The following ZNF83 variants were observed in gnomAD, a reference collection of about 807,000 sequenced individuals.
The protein encoded by ZNF83 is zinc finger protein 816B.
For synonymous variants in ZNF83, 209 were observed against 213.0 expected (o/e 0.98, Z 0.17); for missense variants, 552 against 629.9 (o/e 0.88, Z 1.32).
At chr19:52,685,897 CAAAAAAAAAAAAA>C (rs3055370) in intron 1 of ZNF83, among the ~76,000 whole-genome samples, 3 of 132,440 alleles carry the variant, frequency 2.3e-5, no homozygotes, top group Admixed American at 8.4e-5. Flanking sequence ...GTAACTGTCA[CAAAAAAAAAAAAA>C]AAAAAAAAAA....
intron 3 of ZNF83, chr19:52,650,894 G>T (rs2061433676): frequency 6.6e-6 from 1 of 152,140 alleles, no homozygotes; most frequent in Non-Finnish European, 1.5e-5. Flanking sequence ...GAGTGGTCAA[G>T]GGAGGGAAAT....
chr19:52,648,460 A>G (rs193039), intron 3 of ZNF83, among the ~76,000 whole-genome samples: 79,354 of 151,846 alleles, frequency 0.52, 21,259 homozygotes, highest in East Asian at 0.71. Flanking sequence ...GGAAAAAAAA[A>G]AGAGAGAGAG....
At chr19:52,614,505 G>A in exon 3 of ZNF83, 1 of 1,605,888 alleles carries the variant, frequency 6.2e-7, no homozygotes, top group Non-Finnish European at 8.5e-7. Flanking sequence ...GTGACTGCGG[G>A]TTTAATCCAA....
exon 3 of ZNF83, chr19:52,614,778 C>G (rs1171363220): frequency 7.8e-7 from 1 of 1,285,024 alleles, no homozygotes; most frequent in Non-Finnish European, 9.9e-7. Flanking sequence ...ATTCCTTGAT[C>G]TCACATTTAG....
chr19:52,657,423 A>C (rs758242611), intron 2 of ZNF83, among the ~76,000 whole-genome samples: 1 of 151,838 alleles, frequency 6.6e-6, no homozygotes. Flanking sequence ...CAGCCTCATC[A>C]ATATGGTGAA....
intron 1 of ZNF83, chr19:52,637,051 C>G (rs1046090005): frequency 1.3e-5 from 2 of 152,236 alleles, no homozygotes; most frequent in African/African-American, 4.8e-5. Flanking sequence ...TTTCTTTTTA[C>G]CTGGCATTCT....
chr19:52,683,228 CTGT>C (rs1480453448), intron 1 of ZNF83, among the ~76,000 whole-genome samples: 2 of 127,970 alleles, frequency 1.6e-5, no homozygotes, highest in African/African-American at 6.0e-5. Flanking sequence ...CCCTGTGACT[CTGT>C]GTGTGTGTGT....
intron 2 of ZNF83, among the ~76,000 whole-genome samples, chr19:52,621,928 C>G (rs1019322408): frequency 2.7e-5 from 4 of 147,728 alleles, no homozygotes; most frequent in African/African-American, 7.4e-5. Context: ...AGCTTCTGGT[C>G]CCAATGTGAC....
intron 2 of ZNF83, among the ~76,000 whole-genome samples, chr19:52,634,619 T>C (rs1280434858): frequency 6.6e-6 from 1 of 152,224 alleles, no homozygotes; most frequent in East Asian, 1.9e-4. Context: ...AAATATAGTA[T>C]AAAATCAGGG....
exon 3 of ZNF83, chr19:52,613,974 T>C (rs2060210609): frequency 1.2e-6 from 2 of 1,613,506 alleles, no homozygotes; most frequent in Non-Finnish European, 1.7e-6. Flanking sequence ...CGGTATGAAT[T>C]CTTTGATGTT....
intron 1 of ZNF83, among the ~76,000 whole-genome samples, chr19:52,675,595 G>A (rs536256267): frequency 6.6e-6 from 1 of 152,118 alleles, no homozygotes; most frequent in Non-Finnish European, 1.5e-5. Context: ...GTGTTGGAGG[G>A]GATGGGCTCA....
intron 2 of ZNF83, chr19:52,618,382 C>G (rs1046536366): frequency 6.5e-6 from 1 of 154,016 alleles, no homozygotes; most frequent in Non-Finnish European, 1.4e-5. Flanking sequence ...GCCTCAGCCT[C>G]CCAAGTAGCT....
chr19:52,640,569 G>A (rs181706271), upstream of ZNF83, among the ~76,000 whole-genome samples: 1 of 152,092 alleles, frequency 6.6e-6, no homozygotes, highest in Non-Finnish European at 1.5e-5. Flanking sequence ...TTGCTCTGTC[G>A]CCCAGTGGTG....
intron 1 of ZNF83, among the ~76,000 whole-genome samples, chr19:52,664,311 C>A (rs543786402): frequency 1.3e-5 from 2 of 151,786 alleles, no homozygotes; most frequent in African/African-American, 4.8e-5. Flanking sequence ...GCCTGGGCAA[C>A]ATGGAGAAAG....
chr19:52,650,128 G>GA (rs1251321663), intron 3 of ZNF83, among the ~76,000 whole-genome samples: 18 of 150,658 alleles, frequency 1.2e-4, no homozygotes, highest in Admixed American at 6.6e-4. Context: ...GGAGAAAGGA[G>GA]AAAAAAAAAT....
chr19:52,688,545 CTCTTG>C, intron 1 of ZNF83, among the ~76,000 whole-genome samples: 1 of 151,742 alleles, frequency 6.6e-6, no homozygotes. Flanking sequence ...CTCTCTCTAG[CTCTTG>C]TTTTATTTTC....
At chr19:52,667,491 A>C (rs1454795851) in intron 1 of ZNF83, among the ~76,000 whole-genome samples, 2 of 152,196 alleles carry the variant, frequency 1.3e-5, no homozygotes, top group African/African-American at 4.8e-5. Flanking sequence ...TTTATGTGCA[A>C]GTTGTGTAAG....
At chr19:52,670,165 C>T (rs1443229580) in intron 1 of ZNF83, among the ~76,000 whole-genome samples, 1 of 151,988 alleles carries the variant, frequency 6.6e-6, no homozygotes, top group Non-Finnish European at 1.5e-5. Flanking sequence ...TGCCTCATTC[C>T]AATCACCTGC....
At chr19:52,633,999 G>A (rs1179728240) in intron 2 of ZNF83, among the ~76,000 whole-genome samples, 4 of 151,846 alleles carry the variant, frequency 2.6e-5, no homozygotes, top group Admixed American at 1.3e-4. Context: ...GCTGGGCACC[G>A]TGGCTCGCGC....
Sources: gnomAD v4.1 joint callset for allele counts (sites outside exome capture counted in the v4.1 genomes callset) on GRCh38, gnomAD v4.1.1 for gene constraint, MANE v1.5 for transcripts, NCBI Gene and HGNC (gene_info 2026-07-23, HGNC 2026-07-21) for gene names.